Variants in TRDN observed in about 807,000 individuals in gnomAD.
TRDN encodes triadin in skeletal muscle.
In TRDN, 161 loss-of-function variants were observed where a neutral mutation model predicts 149.7. The observed-to-expected ratio is 1.08, with a 90% confidence interval of 0.95 to 1.23. The LOEUF is 1.23. Among genes scored for constraint, TRDN ranks in the 50% most tolerant of loss-of-function variants. The pLI, the probability that TRDN is intolerant of heterozygous loss-of-function variation, is 0.00. For synonymous variants in TRDN, 294 were observed against 250.5 expected (o/e 1.17, Z -1.64); for missense variants, 896 against 823.5 (o/e 1.09, Z -1.08).
At chr6:123,388,386 A>C in intron 14 of TRDN, 136 bp downstream of exon 14, 3 of 984,518 alleles carry the variant, frequency 3.0e-6, no homozygotes, top group Non-Finnish European at 4.7e-6. Context: ...GAAAAAGCAC[A>C]TTCATGCAAA....
At chr6:123,492,293 T>C (rs1348995033) in intron 9 of TRDN, among the ~76,000 whole-genome samples, 1 of 152,182 alleles carries the variant, frequency 6.6e-6, no homozygotes, top group East Asian at 1.9e-4. Context: ...TAACTTGTAT[T>C]AAACTTTAAT....
intron 1 of TRDN, among the ~76,000 whole-genome samples, chr6:123,588,399 G>C (rs553460022): frequency 1.3e-5 from 2 of 152,268 alleles, no homozygotes; most frequent in African/African-American, 4.8e-5. Context: ...ATTCCAAAGG[G>C]AAGGAGATAT....
At chr6:123,486,504 C>A (rs1777978476) in intron 9 of TRDN, among the ~76,000 whole-genome samples, 1 of 151,922 alleles carries the variant, frequency 6.6e-6, no homozygotes, top group Non-Finnish European at 1.5e-5. Flanking sequence ...GTAAACATTA[C>A]CTGAAGCACT....
At chr6:123,416,035 G>A (rs1773636245) in intron 12 of TRDN, among the ~76,000 whole-genome samples, 3 of 151,986 alleles carry the variant, frequency 2.0e-5, no homozygotes, top group South Asian at 2.1e-4. Flanking sequence ...TCACAACTAC[G>A]ACCACCAGAT....
chr6:123,371,655 C>A (rs575944118), intron 19 of TRDN, among the ~76,000 whole-genome samples: 5 of 152,258 alleles, frequency 3.3e-5, no homozygotes, highest in South Asian at 2.1e-4. Context: ...TGTCAGTATT[C>A]ATCAGTCTAG....
chr6:123,386,354 C>G (rs1781906634), intron 14 of TRDN, among the ~76,000 whole-genome samples: 1 of 152,094 alleles, frequency 6.6e-6, no homozygotes, highest in East Asian at 1.9e-4. Context: ...AGGATAACAG[C>G]AAGAACAAAG....
chr6:123,569,322 C>T (rs954705354), intron 2 of TRDN, among the ~76,000 whole-genome samples: 2 of 152,188 alleles, frequency 1.3e-5, no homozygotes, highest in Non-Finnish European at 2.9e-5. Context: ...TGGTCTCAAC[C>T]ATTTAACCAG....
intron 2 of TRDN, among the ~76,000 whole-genome samples, chr6:123,557,754 C>A (rs1781754343): frequency 6.6e-6 from 1 of 151,708 alleles, no homozygotes; most frequent in Admixed American, 6.6e-5. Flanking sequence ...CACCTCCAAC[C>A]CCTTCCCTCC....
chr6:123,430,818 G>T (rs146131183), intron 12 of TRDN, among the ~76,000 whole-genome samples: 2 of 152,000 alleles, frequency 1.3e-5, no homozygotes, highest in African/African-American at 4.8e-5. Flanking sequence ...CCTCATTTTT[G>T]CATTCAGCCC....
intron 1 of TRDN, among the ~76,000 whole-genome samples, chr6:123,585,616 G>A (rs1175819256): frequency 6.6e-6 from 1 of 152,162 alleles, no homozygotes; most frequent in Non-Finnish European, 1.5e-5. Context: ...AGAGTTCCAG[G>A]GGCTCTGGGA....
At chr6:123,574,148 A>G (rs189246218) in intron 1 of TRDN, among the ~76,000 whole-genome samples, 1 of 152,048 alleles carries the variant, frequency 6.6e-6, no homozygotes, top group Non-Finnish European at 1.5e-5. Context: ...TTTTCAAAAA[A>G]TTCAAAAGCT....
intron 20 of TRDN, among the ~76,000 whole-genome samples, chr6:123,364,736 A>G (rs1781026057): frequency 6.6e-6 from 1 of 152,194 alleles, no homozygotes; most frequent in African/African-American, 2.4e-5. Context: ...GCTTTGTCTA[A>G]TTTTTGAACA....
At chr6:123,326,981 A>G (rs1779480860) in intron 23 of TRDN, among the ~76,000 whole-genome samples, 1 of 152,056 alleles carries the variant, frequency 6.6e-6, no homozygotes, top group African/African-American at 2.4e-5. Flanking sequence ...AAGAAATTCT[A>G]CTGTAACCAA....
At chr6:123,402,738 T>C (rs1370260302) in intron 12 of TRDN, among the ~76,000 whole-genome samples, 1 of 152,098 alleles carries the variant, frequency 6.6e-6, no homozygotes, top group Non-Finnish European at 1.5e-5. Flanking sequence ...ATACTCTGTG[T>C]AAGGTGATAA....
chr6:123,539,008 G>A (rs4307191), intron 4 of TRDN, among the ~76,000 whole-genome samples: 75,814 of 151,886 alleles, frequency 0.5, 19,704 homozygotes, highest in Non-Finnish European at 0.53. Context: ...CTGTGTTAGC[G>A]TGTTTCATAT....
intron 10 of TRDN, among the ~76,000 whole-genome samples, chr6:123,454,887 C>G (rs1776011103): frequency 6.6e-6 from 1 of 152,174 alleles, no homozygotes; most frequent in Admixed American, 6.5e-5. Context: ...CTTCCAGGAA[C>G]CAGGTTCCTG....
chr6:123,466,269 GATCCAC>G (rs1459333507), intron 9 of TRDN, among the ~76,000 whole-genome samples: 2 of 152,130 alleles, frequency 1.3e-5, no homozygotes, highest in Non-Finnish European at 2.9e-5. Context: ...AAAGAAGGTT[GATCCAC>G]ATTATCTTTC....
At chr6:123,374,219 G>A (rs1193088521) in intron 19 of TRDN, among the ~76,000 whole-genome samples, 2 of 152,068 alleles carry the variant, frequency 1.3e-5, no homozygotes, top group African/African-American at 4.8e-5. Flanking sequence ...TTCAAAACCT[G>A]ATTGGATAGT....
chr6:123,318,880 G>T (rs1396925177), intron 23 of TRDN, among the ~76,000 whole-genome samples: 2 of 152,032 alleles, frequency 1.3e-5, no homozygotes, highest in East Asian at 3.9e-4. Context: ...CTATGAAAAG[G>T]TATTATCTAA....
Sources: allele counts gnomAD v4.1 joint callset (sites outside exome capture counted in the v4.1 genomes callset), GRCh38; gene constraint gnomAD v4.1.1; transcripts MANE v1.5; gene names NCBI Gene and HGNC (gene_info 2026-07-23, HGNC 2026-07-21).